ZCCHC17: variants seen among roughly 807,000 people sequenced by gnomAD.
ZCCHC17 encodes zinc finger CCHC-type containing 17, also known as zinc finger CCHC domain-containing protein 17.
ZCCHC17 carries 18 observed loss-of-function variants against 30.6 expected under a neutral mutation model. The ratio of observed to expected loss-of-function variants is 0.59; its 90% CI spans 0.41 to 0.87. The LOEUF (loss-of-function observed/expected upper bound fraction) is 0.87. Ranked by LOEUF, ZCCHC17 falls within the 40% of genes least tolerant of loss-of-function variation. The pLI, the probability that ZCCHC17 is intolerant of heterozygous loss-of-function variation, is 0.00. For synonymous variants in ZCCHC17, 88 were observed against 92.4 expected (o/e 0.95, Z 0.27); for missense variants, 263 against 284.2 (o/e 0.93, Z 0.54).
rs1453565134 is a variant in ZCCHC17 at position 31,364,154 on chromosome 1, GAAA to G, written c.690_692del (p.Lys234del). 2 of 1,613,676 alleles carry G rather than the reference GAAA, an allele frequency of 1.2e-6. No homozygotes were observed. Among genetic ancestry groups the G allele is most frequent in the Non-Finnish European group, 1.7e-6 (2 of 1,179,888 alleles). ...AAGACAGCAAGGCAGCAAAGAAGAA[GAAA>G]AAGAAGAAGAAGCACAAGAAGAAGC... On this transcript the variant is annotated inframe_deletion, in exon 8 of 8. Coordinates refer to ENST00000344147, the MANE Select transcript of ZCCHC17 (RefSeq NM_016505.4).
chr1:31,321,480 C>A (rs773453202), intron 3 of ZCCHC17, among the ~76,000 whole-genome samples: 4 of 152,130 alleles, frequency 2.6e-5, no homozygotes, highest in Non-Finnish European at 1.5e-5. Context: ...ATACAAAATC[C>A]TTTTCTTTTT....
At chr1:31,305,722 G>A (rs1646437636) in intron 1 of ZCCHC17, among the ~76,000 whole-genome samples, 2 of 152,132 alleles carry the variant, frequency 1.3e-5, no homozygotes, top group Admixed American at 1.3e-4. Context: ...AATTACAGGT[G>A]TGGACTACTG....
chr1:31,336,113 C>T (rs1638808775), intron 3 of ZCCHC17, among the ~76,000 whole-genome samples: 1 of 152,104 alleles, frequency 6.6e-6, no homozygotes, highest in African/African-American at 2.4e-5. Context: ...TGCTCTGTCA[C>T]CCAGGCTGGA....
At chr1:31,300,422 GTGT>G (rs1646282414) in intron 1 of ZCCHC17, among the ~76,000 whole-genome samples, 1 of 152,116 alleles carries the variant, frequency 6.6e-6, no homozygotes, top group East Asian at 1.9e-4. Flanking sequence ...TGTGGGTTAG[GTGT>G]TGTTCCTGGA....
At chr1:31,297,566 T>G (rs1034667625) in intron 1 of ZCCHC17, among the ~76,000 whole-genome samples, 1 of 152,216 alleles carries the variant, frequency 6.6e-6, no homozygotes, top group African/African-American at 2.4e-5. Flanking sequence ...GTCGTCCTGC[T>G]GATATTCATT....
intron 2 of ZCCHC17, among the ~76,000 whole-genome samples, chr1:31,313,136 A>G (rs1001173173): frequency 6.9e-6 from 1 of 145,462 alleles, no homozygotes; most frequent in African/African-American, 2.6e-5. Context: ...CTGGACTGCA[A>G]TGGTGTGATT....
At chr1:31,319,498 A>G (rs944346198) in intron 3 of ZCCHC17, among the ~76,000 whole-genome samples, 1 of 152,200 alleles carries the variant, frequency 6.6e-6, no homozygotes, top group Admixed American at 6.5e-5. Flanking sequence ...TCTGAGGCTG[A>G]CAGTGTGAGT....
At chr1:31,313,068 CTTTTTTTTTTTT>C (rs59004055) in intron 2 of ZCCHC17, among the ~76,000 whole-genome samples, 2 of 113,486 alleles carry the variant, frequency 1.8e-5, no homozygotes, top group Non-Finnish European at 3.5e-5. Context: ...CACTGGGCCT[CTTTTTTTTTTTT>C]TTTTTTTTCT....
intron 3 of ZCCHC17, among the ~76,000 whole-genome samples, chr1:31,331,680 C>T (rs1010005325): frequency 2.6e-5 from 4 of 151,394 alleles, no homozygotes; most frequent in African/African-American, 4.9e-5. Context: ...GGCTCGATCT[C>T]GGGTCACTGC....
Position 31,297,095 on chromosome 1 carries a change from G to C in ZCCHC17, c.-56+20G>C, listed in dbSNP as rs1229350916. The stretch of plus-strand genomic sequence containing the variant: ...CGCCTAGTACGTATGAGGAAGAACG[G>C]GGTGGGTGGCTGCCTGAGTCTGGAG... On this transcript the variant is annotated intron_variant, in intron 1 of 7. Coordinates refer to ENST00000344147, the MANE Select transcript of ZCCHC17 (RefSeq NM_016505.4). 2.4e-6 allele frequency: 1 copy of C among 419,670 alleles called. No individual in the cohort carries two copies. Among genetic ancestry groups the C allele is most frequent in the East Asian group, 3.5e-5 (1 of 28,488 alleles). The allele number at this position is 419,670 out of a possible 1,614,324, so 26.0% of individuals were successfully genotyped here.
chr1:31,360,868 T>A (rs1639860201), intron 7 of ZCCHC17, among the ~76,000 whole-genome samples: 1 of 152,220 alleles, frequency 6.6e-6, no homozygotes, highest in Non-Finnish European at 1.5e-5. Context: ...AGTTTGACTC[T>A]ACAGACTATT....
intron 5 of ZCCHC17, among the ~76,000 whole-genome samples, chr1:31,345,686 G>C (rs1389507348): frequency 1.3e-5 from 2 of 148,696 alleles, no homozygotes; most frequent in African/African-American, 5.0e-5. Flanking sequence ...AGGCATGGCT[G>C]GGGAGGCCTC....
At position 31,318,967 on chromosome 1, in the gene ZCCHC17, T is replaced by C. The variant is rs1569797101; in HGVS notation, c.67-142T>C. On this transcript the variant is annotated intron_variant, in intron 2 of 7. Coordinates refer to ENST00000344147, the MANE Select transcript of ZCCHC17 (RefSeq NM_016505.4). ...TTCAAAAAAAACCCAGAAAGAATGT[T>C]TGACAGAGCATCATTTTTAGGCAGT... 7.6e-6 allele frequency: 7 copies of C among 926,208 alleles called. No individual in the cohort carries two copies. In the East Asian group the frequency reaches 1.5e-4, roughly 20 times the overall value. 57.4% of individuals were successfully genotyped at this position (926,208 alleles called of 1,614,324 possible). A position where few individuals can be genotyped will look rare whatever the true frequency, so the allele number is the denominator to read the frequency against.
At chr1:31,346,187 A>T (rs376642233) in intron 5 of ZCCHC17, among the ~76,000 whole-genome samples, 2 of 152,112 alleles carry the variant, frequency 1.3e-5, no homozygotes, top group African/African-American at 4.8e-5. Context: ...GCCTGAGCAA[A>T]AGCACTGAGC....
At position 31,348,964 on chromosome 1, in the gene ZCCHC17, A is replaced by G. The variant is rs1351750823; in HGVS notation, c.554A>G (p.Lys185Arg). 1 of 1,575,032 alleles carries G rather than the reference A, an allele frequency of 6.3e-7. No individual in the cohort carries two copies. Among genetic ancestry groups the G allele is most frequent in the Non-Finnish European group, 8.6e-7 (1 of 1,167,780 alleles). ...GACCCTACAAGGAATCCTTCTAGAA[A>G]AAGAAAGAAGGTGAATGCTACTTTG... ...KPDPTRNPSR[K>R]RKKEKKKKKH... Residue 185 changes from lysine (K) to arginine (R), a missense_variant, in exon 7 of 8, where the codon AAA becomes AGA. Coordinates refer to ENST00000344147, the MANE Select transcript of ZCCHC17 (RefSeq NM_016505.4).
At chr1:31,314,044 T>C (rs1646670922) in intron 2 of ZCCHC17, among the ~76,000 whole-genome samples, 1 of 152,120 alleles carries the variant, frequency 6.6e-6, no homozygotes. Context: ...TTTGTATTTT[T>C]AGTAGAGACA....
chr1:31,337,730 T>C (rs1638877033), intron 4 of ZCCHC17, among the ~76,000 whole-genome samples: 1 of 152,130 alleles, frequency 6.6e-6, no homozygotes, highest in African/African-American at 2.4e-5. Context: ...GAAAAAAATC[T>C]GAAGGACCCT....
chr1:31,333,294 CG>C (rs1209674787), intron 3 of ZCCHC17: 1 of 105,758 alleles, frequency 9.5e-6, no homozygotes, highest in Non-Finnish European at 2.3e-5. Flanking sequence ...GAGGCCAGGG[CG>C]GGTGGATCAA....
intron 4 of ZCCHC17, among the ~76,000 whole-genome samples, chr1:31,338,317 T>C (rs1638901266): frequency 1.3e-5 from 2 of 152,022 alleles, no homozygotes; most frequent in East Asian, 1.9e-4. Flanking sequence ...TTGCAAGTTA[T>C]ATTAAGTGCT....
Sources: gnomAD v4.1 joint callset for allele counts (sites outside exome capture counted in the v4.1 genomes callset) on GRCh38, gnomAD v4.1.1 for gene constraint, MANE v1.5 for transcripts, NCBI Gene and HGNC (gene_info 2026-07-23, HGNC 2026-07-21) for gene names.